The following NME9 variants were observed in gnomAD, a reference collection of about 807,000 sequenced individuals.
The protein encoded by NME9 is thioredoxin domain-containing protein 6.
A neutral mutation model predicts 44.4 loss-of-function variants in NME9; 48 were observed. The observed-to-expected ratio is 1.08, with a 90% CI of 0.86 to 1.37. NME9 has a LOEUF of 1.37. Among genes scored for constraint, NME9 ranks in the 40% most tolerant of loss-of-function variants. The probability of loss-of-function intolerance (pLI) is 0.00; values close to 1 mark genes in which losing one functional copy is unlikely to be tolerated. For missense variants in NME9, 325 were observed against 405.2 expected (o/e 0.80, Z 1.70); for synonymous variants, 139 against 147.1 (o/e 0.94, Z 0.40).
intron 2 of NME9, among the ~76,000 whole-genome samples, chr3:138,323,069 C>G (rs980416137): frequency 2.0e-5 from 3 of 152,174 alleles, no homozygotes; most frequent in Admixed American, 1.3e-4. Context: ...CAGCATTTAT[C>G]TAGTACCCTC....
rs76934264 is a variant in NME9, at chr3:138,277,618, A to G, written c.746-15032T>C. ...ACTGCACAATAAAATATCACTATGC[A>G]TCTTTTAGAATAGCTAAAAATTTTT... On this transcript the variant is annotated intron_variant, in intron 8 of 8. Coordinates refer to the NME9 transcript ENST00000317876. Among the ~76,000 whole-genome samples the G allele has an allele frequency of 1.9e-4, 29 of 152,364 alleles. 1 individual carries two copies. The East Asian group carries it at 5.6e-3, about 29-fold the overall frequency.
intron 8 of NME9, chr3:138,264,092 T>G: frequency 6.4e-7 from 1 of 1,573,532 alleles, no homozygotes; most frequent in Non-Finnish European, 8.7e-7. Context: ...AGTAAAAGTT[T>G]TGATTTCTTG....
chr3:138,310,327 G>A (rs1342168022), intron 6 of NME9, among the ~76,000 whole-genome samples: 1 of 151,166 alleles, frequency 6.6e-6, no homozygotes, highest in African/African-American at 2.4e-5. Flanking sequence ...ACAATACATA[G>A]GGGACTTCAA....
intron 8 of NME9, among the ~76,000 whole-genome samples, chr3:138,305,394 CT>C (rs1411750225): frequency 2.0e-5 from 3 of 152,318 alleles, no homozygotes; most frequent in Admixed American, 6.5e-5. Context: ...ATAGTTGGTA[CT>C]TTTTTTCTTT....
At position 138,306,052 on chromosome 3, in the gene NME9, G is replaced by T. The variant is rs756045145; in HGVS notation, c.588C>A (p.Thr196=). ...GFEILTNEER[T]MTEAEVRLFY... ...AAAGTCGCACTTCTGCCTCTGTCAT[G>T]GTTCTCTCTTCATTTGTTAGAATTT... Residue 196 remains threonine, a synonymous_variant, in exon 8 of 11, where the codon ACC becomes ACA. Coordinates refer to ENST00000333911, the MANE Select transcript of NME9 (RefSeq NM_001349018.2). 3 of 1,613,594 alleles carry T rather than the reference G, an allele frequency of 1.9e-6. No individual in the cohort carries two copies. The highest frequency in any genetic ancestry group is 2.2e-5 in the South Asian group (2 of 91,078).
chr3:138,327,135 G>C (rs1395778464), intron 1 of NME9: 5 of 141,422 alleles, frequency 3.5e-5, no homozygotes, highest in African/African-American at 1.3e-4. Flanking sequence ...CAGCCTGGGC[G>C]ACAGGACAGA....
chr3:138,329,824 G>A lies in NME9; in HGVS notation c.-489C>T. On this transcript the variant is annotated 5_prime_UTR_variant, in exon 1 of 11. It introduces an in-frame stop codon into an upstream open reading frame of the 5' UTR. Transcript: ENST00000333911. ...GCGCCCGGAGTCACCAACCGAGTCTGCCGCGACCTAGCCGCGGTCGTCATG... is the reference window on the plus strand; with the variant it reads ...GCGCCCGGAGTCACCAACCGAGTCTACCGCGACCTAGCCGCGGTCGTCATG... 4.1e-6 allele frequency: 4 copies of A among 986,346 alleles called. No homozygotes were observed. The highest frequency in any genetic ancestry group is 4.8e-6 in the Non-Finnish European group (4 of 830,564). The allele number at this position is 986,346 out of a possible 1,614,324, so 61.1% of individuals were successfully genotyped here.
chr3:138,310,384 G>A (rs545643104), intron 6 of NME9, among the ~76,000 whole-genome samples: 8 of 150,844 alleles, frequency 5.3e-5, no homozygotes, highest in Admixed American at 2.7e-4. Context: ...GAAGACAAAC[G>A]TCATAGTCAA....
intron 8 of NME9, chr3:138,287,700 A>T (rs1162545897): frequency 2.2e-6 from 1 of 456,706 alleles, no homozygotes; most frequent in Non-Finnish European, 4.4e-6. Flanking sequence ...TAGCCATAGA[A>T]TTCTACTGGA....
rs369478354 is a variant in NME9, at chr3:138,266,010, T to C, written c.746-3424A>G. Among the ~76,000 whole-genome samples the C allele has an allele frequency of 5.2e-4, 79 of 152,338 alleles. No homozygotes were observed. In the South Asian group the frequency reaches 0.015, roughly 29 times the overall value. ...TGTCAGGGGGACACCAAGAGTTTTC[T>C]ATTTTCTAGTCTAAACAAGTGTCAC... On this transcript the variant is annotated intron_variant, in intron 8 of 8. Coordinates refer to the NME9 transcript ENST00000317876.
chr3:138,262,713 C>T lies in NME9; in HGVS notation c.746-127G>A, dbSNP rs552864743. The T allele has an allele frequency of 2.5e-4, 248 of 972,642 alleles. 1 individual carries two copies. In the African/African-American group the frequency reaches 3.8e-3, roughly 15 times the overall value. 60.3% of individuals were successfully genotyped at this position (972,642 alleles called of 1,614,324 possible). On this transcript the variant is annotated intron_variant, in intron 8 of 8. Transcript: ENST00000317876. ...AAAAAAATCTCCCCAGGTAATTCTTCTGCAAGGACAACCAAGGTTAAGATC... is the reference window on the plus strand; with the variant it reads ...AAAAAAATCTCCCCAGGTAATTCTTTTGCAAGGACAACCAAGGTTAAGATC...
Position 138,274,473 on chromosome 3 carries a change from C to T in NME9, c.746-11887G>A, listed in dbSNP as rs772344649. On this transcript the variant is annotated intron_variant, in intron 8 of 8. Transcript: ENST00000317876. Reference sequence around the variant, plus strand: ...GCATATAGATAAAATAATGAGTACTCATGGAAAGCAAATTATGCAAGCCGT... The same window carrying T: ...GCATATAGATAAAATAATGAGTACTTATGGAAAGCAAATTATGCAAGCCGT... 17 of 1,609,876 alleles carry T rather than the reference C, an allele frequency of 1.1e-5. No homozygotes were observed. In the Admixed American group the frequency reaches 1.3e-4, roughly 13 times the overall value.
chr3:138,326,791 A>G (rs2053814302), intron 1 of NME9, among the ~76,000 whole-genome samples: 1 of 151,946 alleles, frequency 6.6e-6, no homozygotes, highest in Admixed American at 6.6e-5. Context: ...AAAAGATAGG[A>G]TGCATTATTG....
intron 2 of NME9, 152 bp downstream of exon 2, chr3:138,324,720 AC>A: frequency 1.5e-6 from 1 of 656,620 alleles, no homozygotes. Flanking sequence ...ACACACACAC[AC>A]ACACACACAC....
chr3:138,264,600 A>G (rs912533078), intron 8 of NME9, among the ~76,000 whole-genome samples: 5 of 150,976 alleles, frequency 3.3e-5, no homozygotes, highest in African/African-American at 7.3e-5. Flanking sequence ...TTGTATTTTT[A>G]GTAGAGGCGG....
chr3:138,263,516 C>T, intron 8 of NME9: 1 of 568,750 alleles, frequency 1.8e-6, no homozygotes, highest in South Asian at 2.1e-5. Context: ...ACAACATAAC[C>T]TGCCCCTTAC....
At chr3:138,322,232 T>A (rs905585973) in intron 2 of NME9, among the ~76,000 whole-genome samples, 9 of 152,120 alleles carry the variant, frequency 5.9e-5, no homozygotes, top group African/African-American at 2.2e-4. Context: ...GGGGCTCAAT[T>A]AGCCTAAACT....
At chr3:138,307,771 G>A (rs2052384049) in intron 6 of NME9, among the ~76,000 whole-genome samples, 1 of 152,148 alleles carries the variant, frequency 6.6e-6, no homozygotes, top group African/African-American at 2.4e-5. Context: ...ACTGAGGAGA[G>A]GCCAGAGACA....
chr3:138,287,844 T>C (rs964183818), intron 8 of NME9: 5 of 305,954 alleles, frequency 1.6e-5, no homozygotes, highest in Non-Finnish European at 3.3e-5. Context: ...GCATAAATTA[T>C]TTGAACATAC....
Sources: allele counts gnomAD v4.1 joint callset (sites outside exome capture counted in the v4.1 genomes callset), GRCh38; gene constraint gnomAD v4.1.1; transcripts MANE v1.5; gene names NCBI Gene and HGNC (gene_info 2026-07-23, HGNC 2026-07-21).